The following DIAPH2 variants were observed in gnomAD, a reference collection of about 807,000 sequenced individuals.
The protein encoded by DIAPH2 is diaphanous related formin 2, also known as protein diaphanous homolog 2.
A neutral mutation model predicts 92.7 loss-of-function variants in DIAPH2; 35 were observed. The ratio of observed to expected loss-of-function variants is 0.38; its 90% CI spans 0.29 to 0.50. The LOEUF (loss-of-function observed/expected upper bound fraction) is 0.50. Ranked by LOEUF, DIAPH2 falls within the 20% of genes least tolerant of loss-of-function variation. DIAPH2 has a pLI of 0.94. For synonymous variants in DIAPH2, 301 were observed against 280.4 expected (o/e 1.07, Z -0.73); for missense variants, 701 against 819.5 (o/e 0.86, Z 1.77).
intron 17 of DIAPH2, among the ~76,000 whole-genome samples, chrX:97,026,572 G>C (rs1050530708): frequency 3.6e-5 from 4 of 111,626 alleles, no homozygotes; most frequent in Non-Finnish European, 7.5e-5. Context: ...AGGAATTTTC[G>C]TATTTCTGGA....
chrX:97,586,566 A>G (rs2071480738), intron 26 of DIAPH2, among the ~76,000 whole-genome samples: 1 of 111,643 alleles, frequency 9.0e-6, no homozygotes, highest in South Asian at 3.8e-4. Context: ...CCTGCTTTTA[A>G]TCAATACTGA....
At chrX:96,970,066 C>T (rs2065918175) in intron 17 of DIAPH2, among the ~76,000 whole-genome samples, 1 of 112,011 alleles carries the variant, frequency 8.9e-6, no homozygotes, top group Non-Finnish European at 1.9e-5. Flanking sequence ...AGAAATAAAG[C>T]CTACTTGATC....
chrX:96,836,448 C>T (rs1022781187), intron 4 of DIAPH2, among the ~76,000 whole-genome samples: 1 of 108,152 alleles, frequency 9.2e-6, no homozygotes, highest in Non-Finnish European at 1.9e-5. Context: ...GCTAGTTATA[C>T]TCTATTTTAT....
At chrX:96,725,838 A>AT (rs1408151815) in intron 1 of DIAPH2, among the ~76,000 whole-genome samples, 2 of 112,095 alleles carry the variant, frequency 1.8e-5, no homozygotes, top group East Asian at 5.6e-4. Flanking sequence ...GTTTTTGGCA[A>AT]TTTATACTCT....
At chrX:97,096,051 G>T (rs1468243184) in intron 19 of DIAPH2, among the ~76,000 whole-genome samples, 4 of 111,808 alleles carry the variant, frequency 3.6e-5, no homozygotes, top group Non-Finnish European at 5.6e-5. Flanking sequence ...TGGGGTTGGG[G>T]GACGGCGGAG....
chrX:96,962,314 TATATATATAC>T (rs1282967434), intron 16 of DIAPH2, among the ~76,000 whole-genome samples: 2 of 42,654 alleles, frequency 4.7e-5, no homozygotes, highest in East Asian at 1.2e-3. Flanking sequence ...TATATATACA[TATATATATAC>T]ACATATATAT....
intron 26 of DIAPH2, among the ~76,000 whole-genome samples, chrX:97,557,756 A>G (rs760504040): frequency 8.9e-6 from 1 of 112,348 alleles, no homozygotes; most frequent in South Asian, 3.7e-4. Context: ...TAGGATGCAT[A>G]GGAGCTCAAA....
At chrX:97,338,874 A>G (rs2069088217) in intron 23 of DIAPH2, among the ~76,000 whole-genome samples, 1 of 111,947 alleles carries the variant, frequency 8.9e-6, no homozygotes, top group Non-Finnish European at 1.9e-5. Context: ...TACACATAGC[A>G]TTGATGAAGT....
intron 23 of DIAPH2, among the ~76,000 whole-genome samples, chrX:97,334,913 G>A (rs1310235724): frequency 1.9e-5 from 2 of 102,579 alleles, no homozygotes; most frequent in African/African-American, 7.1e-5. Context: ...TCTGGGAGGC[G>A]GAGGTTGCAG....
At chrX:97,440,147 C>A (rs2070238365) in intron 26 of DIAPH2, among the ~76,000 whole-genome samples, 1 of 111,556 alleles carries the variant, frequency 9.0e-6, no homozygotes, top group Admixed American at 9.5e-5. Flanking sequence ...GAAATACCCA[C>A]GTCCAGTTCC....
chrX:96,738,607 A>G lies in DIAPH2; in HGVS notation c.187A>G (p.Arg63Gly). 1 of 1,198,888 alleles carries G rather than the reference A, an allele frequency of 8.3e-7. No individual in the cohort carries two copies. The highest frequency in any genetic ancestry group is 1.1e-6 in the Non-Finnish European group (1 of 891,211). ...DDVRDRITSFRKSTVKKEKPL... is the reference protein window; with the variant it reads ...DDVRDRITSFGKSTVKKEKPL... ...GCAGCGTGACCGAATTACAAGTTTTAGAAAATCTACTGTCAAAAAAGAAAA... is the reference window on the plus strand; with the variant it reads ...GCAGCGTGACCGAATTACAAGTTTTGGAAAATCTACTGTCAAAAAAGAAAA... Residue 63 changes from arginine to glycine, a missense_variant, in exon 3 of 27, where the codon AGA (arginine) becomes GGA (glycine). Arg to Gly is a moderately radical substitution (Grantham distance 125). Coordinates refer to ENST00000324765, the MANE Select transcript of DIAPH2 (RefSeq NM_006729.5).
chrX:97,388,137 A>G (rs2069619552), intron 25 of DIAPH2, among the ~76,000 whole-genome samples: 1 of 111,410 alleles, frequency 9.0e-6, no homozygotes, highest in African/African-American at 3.3e-5. Flanking sequence ...GGAGGCTAGA[A>G]GTCCAAGATC....
intron 17 of DIAPH2, among the ~76,000 whole-genome samples, chrX:96,978,641 ATATTAAT>A (rs956369736): frequency 1.8e-5 from 2 of 110,681 alleles, no homozygotes; most frequent in African/African-American, 3.3e-5. Context: ...GTTGTGAATA[ATATTAAT>A]TATTAATTAT....
At position 97,160,384 on chromosome X, in the gene DIAPH2, A is replaced by G. The variant is rs998210725; in HGVS notation, c.2719+18590A>G. 3.5e-5 allele frequency among the ~76,000 whole-genome samples: 4 copies of G among 112,707 alleles called. No individual in the cohort carries two copies. The South Asian group carries it at 1.5e-3, about 41-fold the overall frequency. On this transcript the variant is annotated intron_variant, in intron 22 of 26. Coordinates refer to ENST00000324765, the MANE Select transcript of DIAPH2 (RefSeq NM_006729.5). ...TATCCTGGGGTGGTAAGTAGAAACC[A>G]GTTACAAGGAAGTGGGCCAAAGGGC...
chrX:97,418,407 T>C (rs2069971467), intron 25 of DIAPH2, among the ~76,000 whole-genome samples: 2 of 112,129 alleles, frequency 1.8e-5, no homozygotes, highest in Admixed American at 9.5e-5. Flanking sequence ...CTGCCATTAC[T>C]ATTCTCATGT....
At chrX:96,991,118 C>CT (rs778658714) in intron 17 of DIAPH2, among the ~76,000 whole-genome samples, 2,842 of 101,926 alleles carry the variant, frequency 0.028, 102 homozygotes, top group African/African-American at 0.09. Flanking sequence ...ATTAGTCCCT[C>CT]TTTTTTTTTT....
At chrX:97,434,406 A>G (rs916621389) in intron 26 of DIAPH2, among the ~76,000 whole-genome samples, 7 of 106,666 alleles carry the variant, frequency 6.6e-5, no homozygotes, top group Non-Finnish European at 9.7e-5. Context: ...TTGGGTTACT[A>G]AACTTTTTTT....
At chrX:97,334,050 G>A (rs1167899444) in intron 23 of DIAPH2, among the ~76,000 whole-genome samples, 1 of 111,228 alleles carries the variant, frequency 9.0e-6, no homozygotes, top group Non-Finnish European at 1.9e-5. Context: ...CTCATCACCT[G>A]CAAAGGAAAC....
chrX:96,837,404 CCTCTCTCT>C (rs758318611), intron 4 of DIAPH2, among the ~76,000 whole-genome samples: 737 of 66,037 alleles, frequency 0.011, 6 homozygotes, highest in African/African-American at 0.024. Context: ...TTCCTCCCTC[CCTCTCTCT>C]CTCTCTCTCT....
Sources: gnomAD v4.1 joint callset for allele counts (sites outside exome capture counted in the v4.1 genomes callset) on GRCh38, gnomAD v4.1.1 for gene constraint, MANE v1.5 for transcripts, NCBI Gene and HGNC (gene_info 2026-07-23, HGNC 2026-07-21) for gene names.